SMIM21: variants seen among roughly 807,000 people sequenced by gnomAD.
The protein encoded by SMIM21 is small integral membrane protein 21.
SMIM21 carries 8 observed loss-of-function variants against 8.6 expected under a neutral mutation model. The observed-to-expected ratio is 0.93, with a 90% CI of 0.55 to 1.68. The LOEUF (loss-of-function observed/expected upper bound fraction) is 1.68. Ranked by LOEUF, SMIM21 falls within the 40% of genes most tolerant of loss-of-function variation. SMIM21 has a pLI of 0.00. For synonymous variants in SMIM21, 43 were observed against 41.7 expected, an observed-to-expected ratio of 1.03 and a Z score of -0.12; for missense variants, 132 against 123.0, an observed-to-expected ratio of 1.07 and a Z score of -0.35.
intron 1 of SMIM21, among the ~76,000 whole-genome samples, chr18:75,426,941 A>G (rs1269586853): frequency 6.6e-6 from 1 of 152,172 alleles, no homozygotes; most frequent in African/African-American, 2.4e-5. Flanking sequence ...TTGCCTGCAC[A>G]TTGGCTACTG....
intron 2 of SMIM21, chr18:75,412,631 G>T (rs781737134): frequency 2.0e-5 from 3 of 152,198 alleles, no homozygotes; most frequent in Non-Finnish European, 2.9e-5. Flanking sequence ...ATGTTGCTCT[G>T]ACATGAAACA....
At chr18:75,410,984 C>T in intron 2 of SMIM21, 75 bp from the exon 3 acceptor site, 2 of 1,560,440 alleles carry the variant, frequency 1.3e-6, no homozygotes, top group South Asian at 2.3e-5. Context: ...ATAAAATTGA[C>T]CATTTGTTTT....
chr18:75,427,532 C>G lies in SMIM21; in HGVS notation c.32G>C (p.Arg11Pro). 6.2e-7 allele frequency: 1 copy of G among 1,611,554 alleles called. No homozygotes were observed. Among genetic ancestry groups the G allele is most frequent in the Non-Finnish European group, 8.5e-7 (1 of 1,178,734 alleles). The stretch of plus-strand genomic sequence containing the variant: ...TGTTCCCAGCTGTGCTATAGGGAAT[C>G]GGGGAGGAGCTGTGGACACATACTG... MDQYVSTAPP[R>P]FPIAQLGTFK... Residue 11 changes from arginine to proline, a missense_variant, in exon 1 of 3, where the codon CGA becomes CCA. Physicochemically the swap from Arg to Pro is moderately radical, Grantham distance 103. Transcript: ENST00000579022.
rs2024637033 is a variant in SMIM21 at position 75,415,745 on chromosome 18, A to G, written c.260+3041T>C. Among the ~76,000 whole-genome samples the G allele has an allele frequency of 2.0e-5, 3 of 152,216 alleles. No homozygotes were observed. In the South Asian group the frequency reaches 6.2e-4, roughly 31 times the overall value. On this transcript the variant is annotated intron_variant, in intron 2 of 2. Coordinates refer to ENST00000579022, the MANE Select transcript of SMIM21 (RefSeq NM_001037331.3). ...GTATCTATCATTTGTCTACAACTTT[A>G]TTCACTTGAGGTAGCAAAGACATCT...
chr18:75,412,016 T>C (rs766069772), intron 2 of SMIM21, among the ~76,000 whole-genome samples: 1 of 152,074 alleles, frequency 6.6e-6, no homozygotes, highest in Admixed American at 6.5e-5. Flanking sequence ...CTATAAGAAA[T>C]CAAATCATTA....
At chr18:75,412,113 A>C (rs1326704761) in intron 2 of SMIM21, among the ~76,000 whole-genome samples, 2 of 152,186 alleles carry the variant, frequency 1.3e-5, no homozygotes, top group African/African-American at 4.8e-5. Context: ...ATGTCCCCCA[A>C]GGCTTCCTGA....
At chr18:75,413,461 C>T (rs953786394) in intron 2 of SMIM21, among the ~76,000 whole-genome samples, 11 of 152,234 alleles carry the variant, frequency 7.2e-5, no homozygotes, top group African/African-American at 1.4e-4. Context: ...TTGCCTCCTT[C>T]GGTAACCTCC....
intron 1 of SMIM21, among the ~76,000 whole-genome samples, chr18:75,427,096 T>C (rs906662794): frequency 1.3e-5 from 2 of 152,186 alleles, no homozygotes; most frequent in Non-Finnish European, 1.5e-5. Context: ...TTAAAGCATT[T>C]GGAGGTATCC....
Position 75,418,934 on chromosome 18 carries a change from T to C in SMIM21, c.130-18A>G, listed in dbSNP as rs762292812. 30 of 1,542,118 alleles carry C rather than the reference T, an allele frequency of 1.9e-5. No individual in the cohort carries two copies. Among genetic ancestry groups the C allele is most frequent in the Non-Finnish European group, 2.6e-5 (29 of 1,116,596 alleles). ...TTTTCAAACTGAAAAAGGAAATAATTACAGTTACTATTTACAGTGTCTGGC... is the reference window on the plus strand; with the variant it reads ...TTTTCAAACTGAAAAAGGAAATAATCACAGTTACTATTTACAGTGTCTGGC... On this transcript the variant is annotated intron_variant, in intron 1 of 2. Coordinates refer to ENST00000579022, the MANE Select transcript of SMIM21 (RefSeq NM_001037331.3).
chr18:75,421,853 C>T (rs766208958), intron 1 of SMIM21, among the ~76,000 whole-genome samples: 8 of 152,126 alleles, frequency 5.3e-5, no homozygotes, highest in Non-Finnish European at 1.0e-4. Context: ...CTGAGTCTTT[C>T]GAAATACCTA....
chr18:75,414,832 GGTATTTTGCGTACCCC>G (rs1196031513), intron 2 of SMIM21, among the ~76,000 whole-genome samples: 1 of 151,692 alleles, frequency 6.6e-6, no homozygotes, highest in Non-Finnish European at 1.5e-5. Context: ...AATTGGCTTT[GGTATTTTGCGTACCCC>G]GCTCAGGGAT....
chr18:75,413,276 T>G (rs1026229676), intron 2 of SMIM21, among the ~76,000 whole-genome samples: 1 of 152,228 alleles, frequency 6.6e-6, no homozygotes, highest in African/African-American at 2.4e-5. Context: ...CCAAGCTTTC[T>G]GTCTCCGCAC....
intron 1 of SMIM21, among the ~76,000 whole-genome samples, chr18:75,426,020 G>A (rs1483815939): frequency 6.6e-6 from 1 of 151,918 alleles, no homozygotes; most frequent in African/African-American, 2.4e-5. Context: ...ATTGCCCACC[G>A]AGTGCCTCCT....
At chr18:75,418,081 C>A in intron 2 of SMIM21, 1 of 397,420 alleles carries the variant, frequency 2.5e-6, no homozygotes, top group Non-Finnish European at 4.4e-6. Flanking sequence ...GTATCTGAAA[C>A]TTGGCTGCTC....
At position 75,410,307 on chromosome 18, in the gene SMIM21, C is replaced by T. The variant is rs1357340857; in HGVS notation, c.*557G>A. The T allele has an allele frequency of 6.5e-6, 1 of 152,784 alleles. No homozygotes were observed. The highest frequency in any genetic ancestry group is 1.5e-5 in the Non-Finnish European group (1 of 68,200). The allele number at this position is 152,784 out of a possible 1,614,324, so 9.5% of individuals were successfully genotyped here. The stretch of plus-strand genomic sequence containing the variant: ...CAGTGTGTCTCTGCTGGTTTTATTA[C>T]AGTAATGAGGACTGTCGGTTTTTTC... On this transcript the variant is annotated 3_prime_UTR_variant, in exon 3 of 3. Transcript: ENST00000579022.
chr18:75,410,990 G>GT, intron 2 of SMIM21, 81 bp from the exon 3 acceptor site: 1 of 1,545,682 alleles, frequency 6.5e-7, no homozygotes, highest in Non-Finnish European at 8.8e-7. Flanking sequence ...TTGACCATTT[G>GT]TTTTTATCTA....
chr18:75,418,659 C>G, intron 2 of SMIM21, 127 bp downstream of exon 2: 1 of 920,618 alleles, frequency 1.1e-6, no homozygotes, highest in Non-Finnish European at 1.6e-6. Flanking sequence ...TGTGCACTCT[C>G]CTAGGTGGCT....
intron 2 of SMIM21, among the ~76,000 whole-genome samples, chr18:75,412,200 A>G (rs2024591906): frequency 6.6e-6 from 1 of 152,258 alleles, no homozygotes. Flanking sequence ...GGGCAAGTAC[A>G]TGTGAAAACA....
intron 2 of SMIM21, among the ~76,000 whole-genome samples, chr18:75,411,933 C>A (rs2024588760): frequency 6.6e-6 from 1 of 152,202 alleles, no homozygotes; most frequent in African/African-American, 2.4e-5. Context: ...AATACAAGGT[C>A]TCCTGCAGGC....
Sources: gnomAD v4.1 joint callset for allele counts (sites outside exome capture counted in the v4.1 genomes callset) on GRCh38, gnomAD v4.1.1 for gene constraint, MANE v1.5 for transcripts, NCBI Gene and HGNC (gene_info 2026-07-23, HGNC 2026-07-21) for gene names.